SEL1L2: variants seen among roughly 807,000 people sequenced by gnomAD.
SEL1L2 encodes the protein protein sel-1 homolog 2.
Under a neutral mutation model 98.8 loss-of-function variants are expected in SEL1L2, and 89 were observed. That is an observed-to-expected ratio of 0.90 (90% CI 0.76 to 1.07). SEL1L2 has a LOEUF of 1.07. Ranked by LOEUF, SEL1L2 falls within the 50% of genes least tolerant of loss-of-function variation. The pLI, the probability that SEL1L2 is intolerant of heterozygous loss-of-function variation, is 0.00. For missense variants in SEL1L2, 788 were observed against 812.0 expected (o/e 0.97, Z 0.36); for synonymous variants, 262 against 278.5 (o/e 0.94, Z 0.59).
chr20:13,912,343 G>A (rs35998623), intron 5 of SEL1L2, among the ~76,000 whole-genome samples: 48,700 of 141,996 alleles, frequency 0.34, 8,411 homozygotes, highest in East Asian at 0.49. Context: ...TGTCGCCCAC[G>A]TTGGAGTGCA....
In SEL1L2 at chr20:13,877,514, A is replaced by G. The variant is rs746229573; in HGVS notation, c.1026+6T>C. On this transcript the variant is annotated splice_donor_region_variant and intron_variant, in intron 11 of 19. Transcript: ENST00000284951. ...TGAAAACAATGAATCAAGATGAAGCATGTACCTTTCCTATAAATGCCATGG... is the reference window on the plus strand; with the variant it reads ...TGAAAACAATGAATCAAGATGAAGCGTGTACCTTTCCTATAAATGCCATGG... 3.7e-6 allele frequency: 6 copies of G among 1,603,014 alleles called. No individual in the cohort carries two copies. Among genetic ancestry groups the G allele is most frequent in the Non-Finnish European group, 5.1e-6 (6 of 1,170,616 alleles).
At chr20:13,856,239 C>G (rs774166680) in intron 18 of SEL1L2, among the ~76,000 whole-genome samples, 7 of 152,070 alleles carry the variant, frequency 4.6e-5, no homozygotes, top group Admixed American at 1.3e-4. Context: ...AAGCTATTCT[C>G]GTGCCTCAGC....
intron 19 of SEL1L2, 143 bp downstream of exon 19, chr20:13,850,048 A>G (rs1033773883): frequency 1.6e-4 from 129 of 828,872 alleles, no homozygotes; most frequent in Non-Finnish European, 3.8e-5. Flanking sequence ...ATTACTCTGC[A>G]TGGCAAGTGT....
intron 2 of SEL1L2, among the ~76,000 whole-genome samples, chr20:13,944,831 G>A (rs1275622420): frequency 6.6e-6 from 1 of 152,234 alleles, no homozygotes; most frequent in African/African-American, 2.4e-5. Flanking sequence ...CAAAACCCAG[G>A]AAGGTCATCA....
chr20:13,885,262 C>T (rs2046895437), intron 10 of SEL1L2, 85 bp downstream of exon 10: 1 of 861,160 alleles, frequency 1.2e-6, no homozygotes, highest in African/African-American at 1.6e-5. Flanking sequence ...TTCCACCTCT[C>T]CCTCCCCCTG....
At chr20:13,959,703 G>A (rs949724969) in intron 1 of SEL1L2, among the ~76,000 whole-genome samples, 3 of 152,174 alleles carry the variant, frequency 2.0e-5, no homozygotes, top group Non-Finnish European at 4.4e-5. Context: ...CTTTCCAAGA[G>A]TTTGTCGAAT....
intron 1 of SEL1L2, among the ~76,000 whole-genome samples, chr20:13,963,172 C>A (rs1343224048): frequency 6.6e-6 from 1 of 151,920 alleles, no homozygotes; most frequent in African/African-American, 2.4e-5. Context: ...TGCTTTAACT[C>A]CTGGCTTCAC....
Position 13,888,583 on chromosome 20 carries a change from T to C in SEL1L2, c.550-71A>G, listed in dbSNP as rs2047060419. The C allele has an allele frequency of 5.6e-6, 4 of 713,190 alleles. No individual in the cohort carries two copies. In the Admixed American group the frequency reaches 1.2e-4, roughly 21 times the overall value. The allele number at this position is 713,190 out of a possible 1,614,324, so 44.2% of individuals were successfully genotyped here. A position where few individuals can be genotyped will look rare whatever the true frequency, so the allele number is the denominator to read the frequency against. On this transcript the variant is annotated intron_variant, in intron 5 of 19. Coordinates refer to ENST00000284951, the MANE Select transcript of SEL1L2 (RefSeq NM_025229.2). ...CCTAATTATCTATATGGATAAGGGA[T>C]ATCTTAAATGTCTGCTTCATAATAA...
chr20:13,850,913 A>T (rs1988138957), intron 18 of SEL1L2, among the ~76,000 whole-genome samples: 2 of 152,200 alleles, frequency 1.3e-5, no homozygotes, highest in Non-Finnish European at 2.9e-5. Flanking sequence ...CCCCTGGAAC[A>T]GCTCCTAGTT....
chr20:13,915,242 C>G, intron 4 of SEL1L2: 1 of 1,289,220 alleles, frequency 7.8e-7, no homozygotes, highest in Non-Finnish European at 1.0e-6. Flanking sequence ...CATTAGAATC[C>G]TGGATGTCAA....
At chr20:13,860,079 G>A (rs540407687) in intron 17 of SEL1L2, among the ~76,000 whole-genome samples, 1 of 152,198 alleles carries the variant, frequency 6.6e-6, no homozygotes, top group South Asian at 2.1e-4. Flanking sequence ...TGGGAAGTTG[G>A]ACCCCATCCC....
At chr20:13,856,058 A>C (rs1339346217) in intron 18 of SEL1L2, among the ~76,000 whole-genome samples, 1 of 152,178 alleles carries the variant, frequency 6.6e-6, no homozygotes, top group Non-Finnish European at 1.5e-5. Flanking sequence ...GATGGCCAGG[A>C]GGGGATGGGC....
At chr20:13,969,149 T>C (rs1169499782) in intron 1 of SEL1L2, among the ~76,000 whole-genome samples, 1 of 152,248 alleles carries the variant, frequency 6.6e-6, no homozygotes, top group African/African-American at 2.4e-5. Context: ...CTACTTGTTT[T>C]GTTGTCACTA....
At chr20:13,982,281 C>T (rs987715252) in intron 1 of SEL1L2, among the ~76,000 whole-genome samples, 3 of 152,046 alleles carry the variant, frequency 2.0e-5, no homozygotes, top group Non-Finnish European at 4.4e-5. Flanking sequence ...GAGGCTGACG[C>T]AGGAGGATCG....
chr20:13,971,675 T>C (rs1163292360), intron 1 of SEL1L2, among the ~76,000 whole-genome samples: 4 of 151,980 alleles, frequency 2.6e-5, no homozygotes, highest in African/African-American at 9.7e-5. Flanking sequence ...GCGCAGGTGA[T>C]CCACCCACCT....
At chr20:13,858,791 C>T (rs1989572494) in intron 18 of SEL1L2, among the ~76,000 whole-genome samples, 1 of 152,118 alleles carries the variant, frequency 6.6e-6, no homozygotes, top group South Asian at 2.1e-4. Flanking sequence ...CTAGAGTATC[C>T]AGCACTGGGT....
intron 18 of SEL1L2, among the ~76,000 whole-genome samples, chr20:13,858,122 T>C (rs988327291): frequency 6.6e-6 from 1 of 152,172 alleles, no homozygotes; most frequent in Non-Finnish European, 1.5e-5. Flanking sequence ...AAAGGCAGGC[T>C]GCAGGGGAGG....
intron 10 of SEL1L2, among the ~76,000 whole-genome samples, chr20:13,878,338 C>CT (rs1206241520): frequency 6.7e-6 from 1 of 148,398 alleles, no homozygotes; most frequent in African/African-American, 2.5e-5. Context: ...GAGTCTCACT[C>CT]TGTCGCCCAG....
chr20:13,941,747 T>C (rs146284304), intron 2 of SEL1L2, among the ~76,000 whole-genome samples: 2 of 152,272 alleles, frequency 1.3e-5, no homozygotes, highest in Admixed American at 1.3e-4. Flanking sequence ...GGTGCCTATA[T>C]ATGAAACATT....
Sources: gnomAD v4.1 joint callset for allele counts (sites outside exome capture counted in the v4.1 genomes callset) on GRCh38, gnomAD v4.1.1 for gene constraint, MANE v1.5 for transcripts, NCBI Gene and HGNC (gene_info 2026-07-23, HGNC 2026-07-21) for gene names.